The following GLI2 variants were observed in gnomAD, a reference collection of about 807,000 sequenced individuals.
GLI2 encodes the protein GLI family zinc finger 2, also known as transcription activator GLI2.
In GLI2, 22 loss-of-function variants were observed where a neutral mutation model predicts 78.9. That is an observed-to-expected ratio of 0.28 (90% CI 0.20 to 0.40). GLI2 has a LOEUF of 0.40. GLI2 is among the 10% of genes least tolerant of loss of function. The probability of loss-of-function intolerance (pLI) is 1.00; values close to 1 mark genes in which losing one functional copy is unlikely to be tolerated. For missense variants in GLI2, 2,097 were observed against 2,213.2 expected, an observed-to-expected ratio of 0.95 and a Z score of 1.05; for synonymous variants, 974 against 963.7, an observed-to-expected ratio of 1.01 and a Z score of -0.20.
At chr2:120,949,434 A>C (rs1206951294) in intron 3 of GLI2, among the ~76,000 whole-genome samples, 1 of 152,228 alleles carries the variant, frequency 6.6e-6, no homozygotes, top group Non-Finnish European at 1.5e-5. Context: ...AGTGCTGAGC[A>C]TGCAGAAGAG....
chr2:120,746,035 C>T lies in GLI2; in HGVS notation c.-31+9750C>T, dbSNP rs1180916295. Among the ~76,000 whole-genome samples, 6 of 152,202 alleles carry T rather than the reference C, an allele frequency of 3.9e-5. No homozygotes were observed. The East Asian group carries it at 9.6e-4, about 24-fold the overall frequency. On this transcript the variant is annotated intron_variant, in intron 1 of 13. Coordinates refer to ENST00000361492, the MANE Select transcript of GLI2 (RefSeq NM_001374353.1). ...CTTCTGCAGGTGCAACCCTCAGCCC[C>T]TGGGCCCGTAGGACCTGGTGCCCAG...
At chr2:120,959,226 C>T (rs150463324) in intron 5 of GLI2, among the ~76,000 whole-genome samples, 1 of 152,296 alleles carries the variant, frequency 6.6e-6, no homozygotes, top group African/African-American at 2.4e-5. Flanking sequence ...ACACCCCACC[C>T]GCTGTGCCTT....
At chr2:120,764,509 G>T (rs978726641) in intron 1 of GLI2, among the ~76,000 whole-genome samples, 27 of 152,232 alleles carry the variant, frequency 1.8e-4, no homozygotes, top group African/African-American at 6.3e-4. Context: ...ACTTGAGTGG[G>T]AGTGAGTGTC....
At chr2:120,781,876 C>T (rs922051118) in intron 1 of GLI2, among the ~76,000 whole-genome samples, 4 of 148,190 alleles carry the variant, frequency 2.7e-5, no homozygotes, top group African/African-American at 1.0e-4. Flanking sequence ...AGTGAGACTC[C>T]ATCTCAAAAA....
intron 2 of GLI2, among the ~76,000 whole-genome samples, chr2:120,828,264 G>A (rs1186082065): frequency 6.6e-6 from 1 of 152,194 alleles, no homozygotes; most frequent in Admixed American, 6.5e-5. Flanking sequence ...CTGAGGAAAC[G>A]TTCGTTAGTT....
At chr2:120,981,753 C>G (rs1682727767) in intron 10 of GLI2, among the ~76,000 whole-genome samples, 1 of 152,152 alleles carries the variant, frequency 6.6e-6, no homozygotes, top group African/African-American at 2.4e-5. Context: ...TGCAGAGCTT[C>G]CTGCAATGAT....
In GLI2 at chr2:120,988,257, G is replaced by A. The variant is rs1486036773; in HGVS notation, c.2292G>A (p.Gly764=). Residue 764 remains glycine, a synonymous_variant, in exon 14 of 14, where the codon GGG becomes GGA. Transcript: ENST00000361492. ...FSGSGGGGPA[G]LLPNPRLSEL... ...GCAGTGGGGGCGGCGGGCCCGCGGG[G>A]CTGCTGCCGAACCCGCGGCTGTCGG... 4.4e-6 allele frequency: 7 copies of A among 1,573,182 alleles called. No individual in the cohort carries two copies. The highest frequency in any genetic ancestry group is 6.0e-6 in the Non-Finnish European group (7 of 1,165,148).
intron 2 of GLI2, among the ~76,000 whole-genome samples, chr2:120,838,021 C>A (rs781766852): frequency 6.6e-5 from 10 of 152,274 alleles, no homozygotes; most frequent in Non-Finnish European, 1.2e-4. Context: ...TCCTGAAAAT[C>A]CCTGTTGGGG....
chr2:120,988,445 G>C lies in GLI2; in HGVS notation c.2480G>C (p.Gly827Ala), dbSNP rs1183604091. The stretch of plus-strand genomic sequence containing the variant: ...AGCGAGGCCTCGCCCCTGGGCGCCG[G>C]CCGCCCGCACAACGCGAGCTCCGCT... ...RSSEASPLGA[G>A]RPHNASSADS... Residue 827 changes from glycine (G) to alanine (A), a missense_variant, in exon 14 of 14, where the codon GGC becomes GCC. Transcript: ENST00000361492. 2 of 1,571,416 alleles carry C rather than the reference G, an allele frequency of 1.3e-6. No homozygotes were observed. The highest frequency in any genetic ancestry group is 1.7e-4 in the Middle Eastern group (1 of 6,016).
chr2:120,871,854 G>A (rs535430732), intron 2 of GLI2, among the ~76,000 whole-genome samples: 2 of 152,228 alleles, frequency 1.3e-5, no homozygotes, highest in African/African-American at 4.8e-5. Flanking sequence ...TGCAAATTAG[G>A]TGCTGCAAAC....
chr2:120,925,449 T>G (rs1679617247), intron 2 of GLI2, among the ~76,000 whole-genome samples: 1 of 152,216 alleles, frequency 6.6e-6, no homozygotes, highest in African/African-American at 2.4e-5. Flanking sequence ...AAAAATGTGG[T>G]CTATCCAATA....
At chr2:120,907,236 C>G (rs1254164979) in intron 2 of GLI2, among the ~76,000 whole-genome samples, 1 of 152,190 alleles carries the variant, frequency 6.6e-6, no homozygotes, top group Non-Finnish European at 1.5e-5. Flanking sequence ...TCTCAGCCCT[C>G]TCCTCGGCTT....
intron 2 of GLI2, among the ~76,000 whole-genome samples, chr2:120,809,700 C>T (rs1242244696): frequency 6.6e-6 from 1 of 152,192 alleles, no homozygotes; most frequent in Non-Finnish European, 1.5e-5. Flanking sequence ...TCAGGGAGGA[C>T]CCTGCTTCCC....
chr2:120,988,922 A>C lies in GLI2; in HGVS notation c.2957A>C (p.Asp986Ala), dbSNP rs930268229. Residue 986 changes from aspartate (D) to alanine (A), a missense_variant, in exon 14 of 14, where the codon GAC becomes GCC. This residue lies in a region of GLI2 where 1,290 missense variants were observed against 1,261.7 expected (regional missense o/e 1.02). Transcript: ENST00000361492. ...CCCGGCCCGCTGCCGCCCTGTGCCG[A>C]CAGGCGAGGCCTCCGCCTGCAGAGC... ...VNPGPLPPCADRRGLRLQSHP... is the reference protein window; with the variant it reads ...VNPGPLPPCAARRGLRLQSHP... The C allele has an allele frequency of 2.6e-6, 4 of 1,521,386 alleles. No homozygotes were observed. The Admixed American group carries it at 7.9e-5, about 30-fold the overall frequency. The allele number at this position is 1,521,386 out of a possible 1,614,324, so 94.2% of individuals were successfully genotyped here.
chr2:120,935,646 G>A (rs747128352), intron 3 of GLI2, among the ~76,000 whole-genome samples: 4 of 152,170 alleles, frequency 2.6e-5, no homozygotes, highest in Non-Finnish European at 5.9e-5. Flanking sequence ...GCATGGGGAG[G>A]CTGACTGCCT....
chr2:120,823,792 G>A (rs1685899322), intron 2 of GLI2, among the ~76,000 whole-genome samples: 1 of 152,222 alleles, frequency 6.6e-6, no homozygotes, highest in South Asian at 2.1e-4. Flanking sequence ...GTGCGGAAGT[G>A]AAGCCGTGTG....
At chr2:120,769,181 G>C (rs1683454526) in intron 1 of GLI2, among the ~76,000 whole-genome samples, 1 of 152,226 alleles carries the variant, frequency 6.6e-6, no homozygotes, top group Non-Finnish European at 1.5e-5. Flanking sequence ...TGCCCAGCCT[G>C]GTGGTCTGGC....
rs568257834 is a variant in GLI2 at position 120,992,528 on chromosome 2, A to T, written c.*1853A>T. On this transcript the variant is annotated 3_prime_UTR_variant, in exon 14 of 14. Coordinates refer to ENST00000361492, the MANE Select transcript of GLI2 (RefSeq NM_001374353.1). ...ATCTTGTCTATCTGCTTCCCCCTTG[A>T]CAGTAGTTAATGAGAACCTGGGCAG... The T allele has an allele frequency of 6.6e-6, 1 of 152,322 alleles. No individual in the cohort carries two copies. The highest frequency in any genetic ancestry group is 2.4e-5 in the African/African-American group (1 of 41,558). The allele number at this position is 152,322 out of a possible 1,614,324, so 9.4% of individuals were successfully genotyped here. A position where few individuals can be genotyped will look rare whatever the true frequency, so the allele number is the denominator to read the frequency against.
At chr2:120,807,759 C>T (rs1685029237) in intron 2 of GLI2, among the ~76,000 whole-genome samples, 1 of 152,196 alleles carries the variant, frequency 6.6e-6, no homozygotes, top group Non-Finnish European at 1.5e-5. Context: ...AGTGGCCCCT[C>T]CTAGGGTCTG....
Sources: gnomAD v4.1 joint callset for allele counts (sites outside exome capture counted in the v4.1 genomes callset) on GRCh38, gnomAD v4.1.1 for gene constraint, gnomAD v4.1.1 regional missense constraint, MANE v1.5 for transcripts, NCBI Gene and HGNC (gene_info 2026-07-23, HGNC 2026-07-21) for gene names.